RAVER1: variants seen among roughly 807,000 people sequenced by gnomAD.
RAVER1 encodes ribonucleoprotein PTB-binding 1.
RAVER1 carries 36 observed loss-of-function variants against 68.4 expected under a neutral mutation model. The observed-to-expected ratio is 0.53, with a 90% CI of 0.40 to 0.70. The LOEUF (loss-of-function observed/expected upper bound fraction) is 0.70. RAVER1 is among the 30% of genes least tolerant of loss of function. The pLI is 0.00. For synonymous variants in RAVER1, 469 were observed against 472.7 expected (o/e 0.99, Z 0.10); for missense variants, 933 against 1,019.8 (o/e 0.91, Z 1.16).
Position 10,322,175 on chromosome 19 carries a change from T to C in RAVER1, c.1173+470A>G, listed in dbSNP as rs900529320. The C allele has an allele frequency of 2.9e-5, 5 of 170,404 alleles. No homozygotes were observed. The highest frequency in any genetic ancestry group is 6.2e-5 in the Non-Finnish European group (5 of 80,724). 10.6% of individuals were successfully genotyped at this position (170,404 alleles called of 1,614,324 possible). A position where few individuals can be genotyped will look rare whatever the true frequency, so the allele number is the denominator to read the frequency against. On this transcript the variant is annotated intron_variant, in intron 6 of 12. Coordinates refer to ENST00000617231, the MANE Select transcript of RAVER1 (RefSeq NM_133452.3). The surrounding 1 kb of genome is among the most constrained non-coding windows in gnomAD (Gnocchi z 4.3). ...CTTTGTGTGTCTATGTCTCTGTGTG[T>C]ATATTTGCATCTTTGTATGTGTGAG... is the stretch of plus-strand genomic sequence containing the variant.
chr19:10,329,050 G>T lies in RAVER1; in HGVS notation c.348C>A (p.Ser116Arg). The T allele has an allele frequency of 6.5e-7, 1 of 1,532,140 alleles. No homozygotes were observed. Among genetic ancestry groups the T allele is most frequent in the Non-Finnish European group, 8.8e-7 (1 of 1,137,834 alleles). The allele number at this position is 1,532,140 out of a possible 1,614,324, so 94.9% of individuals were successfully genotyped here. A position where few individuals can be genotyped will look rare whatever the true frequency, so the allele number is the denominator to read the frequency against. ...AEAAINAFHQ[S>R]RLRERELSVQ... ...CCGACAGTTCACGCTCCCGCAGGCG[G>T]CTCTGGTGGAAAGCATTGATTGCGG... The change falls in exon 3 of 13, where the codon AGC becomes AGA. Residue 116 changes from serine (S) to arginine (R), a missense_variant. Ser to Arg is a moderately radical substitution (Grantham distance 110, BLOSUM62 -1). Transcript: ENST00000617231. This position sits in a 1 kb window ranked among gnomAD's most constrained non-coding sequence, Gnocchi z 4.6.
intron 3 of RAVER1, among the ~76,000 whole-genome samples, chr19:10,324,388 GTTTT>G (rs2040461005): frequency 6.6e-6 from 1 of 152,018 alleles, no homozygotes; most frequent in Non-Finnish European, 1.5e-5. Flanking sequence ...CTTTTGTTTT[GTTTT>G]GTTTTTTTTG....
In RAVER1 at chr19:10,321,037, C is replaced by A. The variant is rs2040433011; in HGVS notation, c.1473+11G>T. The A allele has an allele frequency of 1.4e-6, 2 of 1,429,784 alleles. No individual in the cohort carries two copies. Among genetic ancestry groups the A allele is most frequent in the Admixed American group, 6.2e-5 (2 of 32,210 alleles). The allele number at this position is 1,429,784 out of a possible 1,614,324, so 88.6% of individuals were successfully genotyped here. On this transcript the variant is annotated intron_variant, in intron 8 of 12. Transcript: ENST00000617231. ...GGCTGGTGTGGTGCCGCGCGCAGGG[C>A]AGGGCCTTACCCCAGGGGGCGTCGG...
Position 10,329,797 on chromosome 19 carries a change from C to T in RAVER1, c.286+663G>A, listed in dbSNP as rs560305350. On this transcript the variant is annotated intron_variant, in intron 2 of 12. Transcript: ENST00000617231. The surrounding 1 kb of genome is among the most constrained non-coding windows in gnomAD (Gnocchi z 4.6). ...GCTGCAGGGTGCAGTGCAGCCTGTG[C>T]GGGCTCGCTGACCTCCCCTCCCATC... is the stretch of plus-strand genomic sequence containing the variant. Among the ~76,000 whole-genome samples the T allele has an allele frequency of 1.7e-3, 254 of 152,228 alleles. 2 individuals are homozygous for T. The highest frequency in any genetic ancestry group is 5.8e-3 in the African/African-American group (243 of 41,544).
At position 10,323,388 on chromosome 19, in the gene RAVER1, G is replaced by A. The variant is rs1418944757; in HGVS notation, c.935C>T (p.Ala312Val). 1 of 1,604,218 alleles carries A rather than the reference G, an allele frequency of 6.2e-7. No individual in the cohort carries two copies. The highest frequency in any genetic ancestry group is 1.1e-5 in the South Asian group (1 of 90,112). ...GCACAGGCTCACCGTGGCCTGGGCA[G>A]CGATGAGAGCGGCCAGCATACTGCG... is the stretch of plus-strand genomic sequence containing the variant. ...PGRSMLAALI[A>V]AQATALNRGK... is the part of the protein sequence containing the mutation. The change falls in exon 4 of 13, where the codon GCT (alanine) becomes GTT (valine). Residue 312 changes from alanine to valine, a missense_variant. Transcript: ENST00000617231. The surrounding 1 kb of genome is among the most constrained non-coding windows in gnomAD (Gnocchi z 6.2).
rs997278850 is a variant in RAVER1 at position 10,316,997 on chromosome 19, G to C, written c.*457C>G. The stretch of plus-strand genomic sequence containing the variant: ...AAGGAATCAGAGCTGGGGGCTGTCC[G>C]GGGTGGTTTGAAAAATAAAACTTAG... On this transcript the variant is annotated 3_prime_UTR_variant, in exon 13 of 13. Transcript: ENST00000617231. 1 of 219,242 alleles carries C rather than the reference G, an allele frequency of 4.6e-6. No individual in the cohort carries two copies. Among genetic ancestry groups the C allele is most frequent in the South Asian group, 5.8e-5 (1 of 17,184 alleles). The allele number at this position is 219,242 out of a possible 1,614,324, so 13.6% of individuals were successfully genotyped here.
chr19:10,321,739 C>T (rs550141757), intron 6 of RAVER1, 121 bp from the exon 7 acceptor site: 229 of 697,764 alleles, frequency 3.3e-4, no homozygotes, highest in Non-Finnish European at 4.4e-4. Context: ...CCTGGGCAGA[C>T]AGGCACAGGG....
Position 10,326,621 on chromosome 19 carries a change from T to TG in RAVER1, c.756+2020_756+2021insC, listed in dbSNP as rs200484221. On this transcript the variant is annotated intron_variant, in intron 3 of 12. Coordinates refer to ENST00000617231, the MANE Select transcript of RAVER1 (RefSeq NM_133452.3). The stretch of plus-strand genomic sequence containing the variant: ...CGCCATGCCTGGCTACCTTTTTTTT[T>TG]TTGTTGTATTTTTAGTAGAGACGGG... 7.5e-3 allele frequency among the ~76,000 whole-genome samples: 1,142 copies of TG among 152,030 alleles called. 16 individuals carry two copies. The highest frequency in any genetic ancestry group is 0.026 in the African/African-American group (1,095 of 41,472).
chr19:10,326,212 G>A (rs1420706660), intron 3 of RAVER1, among the ~76,000 whole-genome samples: 7 of 152,092 alleles, frequency 4.6e-5, no homozygotes, highest in South Asian at 2.1e-4. Context: ...CCAAGATCGC[G>A]CCCCTGCACT....
At chr19:10,326,245 ACT>A (rs1433486515) in intron 3 of RAVER1, among the ~76,000 whole-genome samples, 2 of 151,966 alleles carry the variant, frequency 1.3e-5, no homozygotes, top group African/African-American at 4.8e-5. Flanking sequence ...ACAGAGCAAG[ACT>A]CTGTCTTAAA....
Position 10,317,439 on chromosome 19 carries a change from T to G in RAVER1, c.*15A>C. 6.2e-7 allele frequency: 1 copy of G among 1,613,682 alleles called. No individual in the cohort carries two copies. The highest frequency in any genetic ancestry group is 8.5e-7 in the Non-Finnish European group (1 of 1,179,604). On this transcript the variant is annotated 3_prime_UTR_variant, in exon 13 of 13. Transcript: ENST00000617231. This position sits in a 1 kb window ranked among gnomAD's most constrained non-coding sequence, Gnocchi z 4.3. ...ATTTGGTGCAGGCCCTTGAGTTATC[T>G]CTGGTGCCAGCCACTTAGAAAATCC...
intron 7 of RAVER1, 126 bp downstream of exon 7, chr19:10,321,405 T>C (rs1230177655): frequency 1.1e-6 from 1 of 876,476 alleles, no homozygotes; most frequent in Non-Finnish European, 1.5e-6. Context: ...GGGCCCTGAG[T>C]GGAGGGCACC....
Position 10,323,633 on chromosome 19 carries a change from C to T in RAVER1, c.757-67G>A. 1.3e-6 allele frequency: 2 copies of T among 1,495,610 alleles called. No individual in the cohort carries two copies. The highest frequency in any genetic ancestry group is 2.5e-5 in the South Asian group (2 of 78,898). 92.6% of individuals were successfully genotyped at this position (1,495,610 alleles called of 1,614,324 possible). A position where few individuals can be genotyped will look rare whatever the true frequency, so the allele number is the denominator to read the frequency against. On this transcript the variant is annotated intron_variant, in intron 3 of 12. Transcript: ENST00000617231. This position sits in a 1 kb window ranked among gnomAD's most constrained non-coding sequence, Gnocchi z 6.2. ...GTGACTGCACCACCCCGGGAAGTGA[C>T]AACCGTAACCAGACTCAGCTGCCCC...
Position 10,320,755 on chromosome 19 carries a change from TTGC to T in RAVER1, c.1667_1669del (p.Ser556del), listed in dbSNP as rs780925201. On this transcript the variant is annotated inframe_deletion, in exon 9 of 13. Transcript: ENST00000617231. Reference sequence around the variant, plus strand: ...CAGGCGGGACTTGAGCTGGAAGGCTTTGCTGCTGCTGCTGCCACCTCCAGGGGC... The same window carrying T: ...CAGGCGGGACTTGAGCTGGAAGGCTTTGCTGCTGCTGCCACCTCCAGGGGC... The T allele has an allele frequency of 8.0e-4, 1,210 of 1,507,984 alleles. No individual in the cohort carries two copies. Among genetic ancestry groups the T allele is most frequent in the Non-Finnish European group, 9.5e-4 (1,082 of 1,137,536 alleles). 93.4% of individuals were successfully genotyped at this position (1,507,984 alleles called of 1,614,324 possible).
chr19:10,333,523 G>A lies in RAVER1; in HGVS notation c.-16C>T, dbSNP rs777806772. ...CCGCCGCCATCTTGGGAAACCCGGC[G>A]CCTTCTGGGACCAGCGAGCCGGGGC... On this transcript the variant is annotated 5_prime_UTR_variant, in exon 1 of 13. Transcript: ENST00000617231. This position sits in a 1 kb window ranked among gnomAD's most constrained non-coding sequence, Gnocchi z 4.2. 1.3e-6 allele frequency: 2 copies of A among 1,592,106 alleles called. No homozygotes were observed. The highest frequency in any genetic ancestry group is 1.7e-6 in the Non-Finnish European group (2 of 1,170,646).
Position 10,316,747 on chromosome 19 carries a change from TC to T in RAVER1, c.*706del. On this transcript the variant is annotated 3_prime_UTR_variant, in exon 13 of 13. Transcript: ENST00000617231. ...AGAGCTGTTTGGTCCATAGTCAAGC[TC>T]CCAGAGCTTGGCATCTGTGGCTCTG... 1.1e-5 allele frequency: 2 copies of T among 177,076 alleles called. No homozygotes were observed. The highest frequency in any genetic ancestry group is 2.2e-5 in the Non-Finnish European group (2 of 90,382). The allele number at this position is 177,076 out of a possible 1,614,324, so 11.0% of individuals were successfully genotyped here.
At chr19:10,324,334 G>A (rs1232151796) in intron 3 of RAVER1, among the ~76,000 whole-genome samples, 1 of 152,148 alleles carries the variant, frequency 6.6e-6, no homozygotes, top group Non-Finnish European at 1.5e-5. Context: ...CCCACGCCCT[G>A]TGCCAAGGTC....
intron 3 of RAVER1, among the ~76,000 whole-genome samples, chr19:10,324,163 A>G (rs1325832938): frequency 6.6e-6 from 1 of 151,952 alleles, no homozygotes; most frequent in East Asian, 1.9e-4. Context: ...TCAAAAAAAA[A>G]AAAAAAAAAG....
In RAVER1 at chr19:10,323,308, G is replaced by C. The variant is rs540920505; in HGVS notation, c.949-34C>G. On this transcript the variant is annotated intron_variant, in intron 4 of 12. Transcript: ENST00000617231. The surrounding 1 kb of genome is among the most constrained non-coding windows in gnomAD (Gnocchi z 6.2). ...AGGAACAGAAGCAGCTCAGAGTGCC[G>C]CTGGGGCCCTGACATCCCCATGGGG... 1.9e-6 allele frequency: 3 copies of C among 1,612,082 alleles called. No individual in the cohort carries two copies. The highest frequency in any genetic ancestry group is 8.5e-7 in the Non-Finnish European group (1 of 1,179,186).
Sources: allele counts gnomAD v4.1 joint callset (sites outside exome capture counted in the v4.1 genomes callset), GRCh38; gene constraint gnomAD v4.1.1; non-coding constraint Gnocchi (gnomAD v3.1); transcripts MANE v1.5; gene names NCBI Gene and HGNC (gene_info 2026-07-23, HGNC 2026-07-21).